The following ATP13A3 variants were observed in gnomAD, a reference collection of about 807,000 sequenced individuals.
The protein encoded by ATP13A3 is polyamine-transporting ATPase 13A3.
A neutral mutation model predicts 158.1 loss-of-function variants in ATP13A3; 59 were observed. That is an observed-to-expected ratio of 0.37 (90% CI 0.30 to 0.46). The LOEUF (loss-of-function observed/expected upper bound fraction) is 0.46. Among genes scored for constraint, ATP13A3 ranks in the 20% least tolerant of loss-of-function variants. ATP13A3 has a pLI of 1.00. For missense variants in ATP13A3, 1,166 were observed against 1,525.2 expected, an observed-to-expected ratio of 0.76 and a Z score of 3.92; for synonymous variants, 491 against 504.3, an observed-to-expected ratio of 0.97 and a Z score of 0.35.
intron 33 of ATP13A3, among the ~76,000 whole-genome samples, chr3:194,409,134 A>C (rs1482842881): frequency 1.3e-5 from 2 of 152,248 alleles, no homozygotes; most frequent in African/African-American, 4.8e-5. Context: ...AGTTTAGCAG[A>C]GAAACTAAAA....
intron 2 of ATP13A3, among the ~76,000 whole-genome samples, chr3:194,472,400 A>C (rs1325844387): frequency 6.6e-6 from 1 of 152,336 alleles, no homozygotes; most frequent in Non-Finnish European, 1.5e-5. Context: ...AATAATTTCT[A>C]CAATAAGTAT....
chr3:194,456,036 G>C, intron 7 of ATP13A3, 74 bp from the exon 8 acceptor site: 1 of 918,114 alleles, frequency 1.1e-6, no homozygotes, highest in Non-Finnish European at 1.6e-6. Context: ...ATTGTATTAG[G>C]TAAGGCTTAA....
rs1336026013 is a variant in ATP13A3 at position 194,427,121 on chromosome 3, A to C, written c.3079T>G (p.Trp1027Gly). 2 of 1,608,932 alleles carry C rather than the reference A, an allele frequency of 1.2e-6. No individual in the cohort carries two copies. The highest frequency in any genetic ancestry group is 8.5e-7 in the Non-Finnish European group (1 of 1,177,760). ...CIGFQSLGFF[W>G]VKQQPWYEVW... Reference sequence around the variant, plus strand: ...TCATACCAAGGTTGCTGTTTGACCCAAAAAAAACCCAAAGATTGAAATCCA... The same window carrying C: ...TCATACCAAGGTTGCTGTTTGACCCCAAAAAAACCCAAAGATTGAAATCCA... The change falls in exon 29 of 34, where the codon TGG (tryptophan) becomes GGG (glycine). Residue 1027 changes from tryptophan (W) to glycine (G), a missense_variant. Around this residue, in one of 3 missense-constraint regions of ATP13A3, gnomAD observed 997 missense variants for 1,341.2 expected, o/e 0.74. Transcript: ENST00000645319.
intron 6 of ATP13A3, 66 bp downstream of exon 6, chr3:194,459,405 C>T (rs1719475500): frequency 9.1e-7 from 1 of 1,099,820 alleles, no homozygotes; most frequent in African/African-American, 1.6e-5. Context: ...CTAGAATGGA[C>T]TCTTTTCTAT....
chr3:194,444,866 C>CCACA (rs1718292694), intron 14 of ATP13A3, 80 bp from the exon 15 acceptor site: 1 of 1,082,030 alleles, frequency 9.2e-7, no homozygotes, highest in African/African-American at 1.6e-5. Context: ...TAAAAAGCAA[C>CCACA]CACACAGCAT....
At chr3:194,442,022 AT>A (rs1335462571) in intron 15 of ATP13A3, among the ~76,000 whole-genome samples, 1 of 152,182 alleles carries the variant, frequency 6.6e-6, no homozygotes, top group African/African-American at 2.4e-5. Context: ...AAGGTGTTTT[AT>A]TACCCCCATT....
intron 4 of ATP13A3, 50 bp from the exon 5 acceptor site, chr3:194,460,021 G>A (rs1327048880): frequency 7.2e-7 from 1 of 1,386,738 alleles, no homozygotes; most frequent in East Asian, 2.3e-5. Flanking sequence ...ATAGAAAACT[G>A]CCTATATTTT....
At chr3:194,478,256 A>G (rs935236682) in intron 2 of ATP13A3, among the ~76,000 whole-genome samples, 18 of 152,020 alleles carry the variant, frequency 1.2e-4, no homozygotes, top group African/African-American at 4.3e-4. Flanking sequence ...ACAAGATTAA[A>G]TTTCTAACCT....
chr3:194,410,076 CAG>C (rs1200798698), intron 33 of ATP13A3, among the ~76,000 whole-genome samples: 2 of 151,778 alleles, frequency 1.3e-5, no homozygotes, highest in African/African-American at 4.8e-5. Context: ...AGTTGACACA[CAG>C]GGTGTGCTGG....
At chr3:194,485,302 C>G (rs767340023) in intron 2 of ATP13A3, among the ~76,000 whole-genome samples, 7 of 152,166 alleles carry the variant, frequency 4.6e-5, no homozygotes, top group Non-Finnish European at 8.8e-5. Context: ...AAAGGGGTTG[C>G]AAACCAGGAT....
At chr3:194,415,233 G>C (rs1293798697) in intron 31 of ATP13A3, among the ~76,000 whole-genome samples, 1 of 152,202 alleles carries the variant, frequency 6.6e-6, no homozygotes, top group African/African-American at 2.4e-5. Context: ...ACATTAGGGA[G>C]AAAAGTCCAT....
At chr3:194,475,715 C>A (rs370960462) in intron 2 of ATP13A3, among the ~76,000 whole-genome samples, 19 of 152,090 alleles carry the variant, frequency 1.2e-4, no homozygotes, top group African/African-American at 3.6e-4. Context: ...TTAAAAAAAA[C>A]CACATACACA....
intron 20 of ATP13A3, among the ~76,000 whole-genome samples, chr3:194,435,109 G>C (rs984018649): frequency 2.6e-5 from 4 of 152,158 alleles, no homozygotes; most frequent in African/African-American, 9.7e-5. Context: ...ATGTATCTAT[G>C]AAATCTAAAA....
At chr3:194,409,035 T>C (rs978376951) in intron 33 of ATP13A3, among the ~76,000 whole-genome samples, 9 of 152,296 alleles carry the variant, frequency 5.9e-5, no homozygotes, top group African/African-American at 1.9e-4. Context: ...ACAGTAGCTA[T>C]AGCAACCGGA....
At position 194,459,629 on chromosome 3, in the gene ATP13A3, G is replaced by C. The variant is rs187581060; in HGVS notation, c.409-88C>G. On this transcript the variant is annotated intron_variant, in intron 5 of 33. Coordinates refer to ENST00000645319, the MANE Select transcript of ATP13A3 (RefSeq NM_001367549.1). Reference sequence around the variant, plus strand: ...TACTTCTATTAACAGCTATATATAGGATTATATATAGCATTATATATAGTA... The same window carrying C: ...TACTTCTATTAACAGCTATATATAGCATTATATATAGCATTATATATAGTA... The C allele has an allele frequency of 1.4e-4, 155 of 1,131,844 alleles. No homozygotes were observed. The African/African-American group carries it at 1.9e-3, about 14-fold the overall frequency. The allele number at this position is 1,131,844 out of a possible 1,614,324, so 70.1% of individuals were successfully genotyped here. A position where few individuals can be genotyped will look rare whatever the true frequency, so the allele number is the denominator to read the frequency against.
rs574318791 is a variant in ATP13A3 at position 194,478,011 on chromosome 3, C to T, written c.-47+7783G>A. Among the ~76,000 whole-genome samples, 8 of 152,288 alleles carry T rather than the reference C, an allele frequency of 5.3e-5. No homozygotes were observed. In the South Asian group the frequency reaches 1.5e-3, roughly 28 times the overall value. On this transcript the variant is annotated intron_variant, in intron 2 of 33. Transcript: ENST00000645319. Reference sequence around the variant, plus strand: ...CTTAAAACAGTGTCTTCACTCTAGCCAAGCAGTTCCCTGAAATCTAACCCC... The same window carrying T: ...CTTAAAACAGTGTCTTCACTCTAGCTAAGCAGTTCCCTGAAATCTAACCCC...
At chr3:194,433,149 A>G (rs1031036124) in intron 21 of ATP13A3, among the ~76,000 whole-genome samples, 13 of 152,146 alleles carry the variant, frequency 8.5e-5, no homozygotes, top group Non-Finnish European at 1.3e-4. Context: ...ACAAGGTACA[A>G]TAAGTGCTAT....
At chr3:194,464,669 A>G (rs900291223) in intron 2 of ATP13A3, among the ~76,000 whole-genome samples, 3 of 152,236 alleles carry the variant, frequency 2.0e-5, no homozygotes, top group Admixed American at 6.5e-5. Flanking sequence ...TCCCTGCTAA[A>G]GAATACTAGT....
At chr3:194,447,249 T>C (rs1718469106) in intron 13 of ATP13A3, 134 bp from the exon 14 acceptor site, 3 of 698,830 alleles carry the variant, frequency 4.3e-6, no homozygotes, top group South Asian at 4.4e-5. Context: ...TGTATATACA[T>C]ATCTATTAAC....
Sources: allele counts gnomAD v4.1 joint callset (sites outside exome capture counted in the v4.1 genomes callset), GRCh38; gene constraint gnomAD v4.1.1; regional missense constraint gnomAD v4.1.1; transcripts MANE v1.5; gene names NCBI Gene and HGNC (gene_info 2026-07-23, HGNC 2026-07-21).